DGKH: variants seen among roughly 807,000 people sequenced by gnomAD.
DGKH encodes diacylglycerol kinase eta, also known as DAG kinase eta.
Under a neutral mutation model 159.3 loss-of-function variants are expected in DGKH, and 90 were observed. The observed-to-expected ratio is 0.57, with a 90% CI of 0.48 to 0.67. The LOEUF (loss-of-function observed/expected upper bound fraction) is 0.67. Ranked by LOEUF, DGKH falls within the 30% of genes least tolerant of loss-of-function variation. The pLI is 0.00. For synonymous variants in DGKH, 536 were observed against 553.8 expected, an observed-to-expected ratio of 0.97 and a Z score of 0.45; for missense variants, 1,181 against 1,506.1, an observed-to-expected ratio of 0.78 and a Z score of 3.57.
intron 1 of DGKH, among the ~76,000 whole-genome samples, chr13:42,107,740 G>C (rs372265332): frequency 1.3e-5 from 2 of 151,988 alleles, no homozygotes; most frequent in Non-Finnish European, 2.9e-5. Flanking sequence ...AGGACAGATC[G>C]TAGACAGGCA....
chr13:42,068,958 G>T, intron 1 of DGKH: 1 of 1,467,558 alleles, frequency 6.8e-7, no homozygotes. Context: ...GAATGCCGCT[G>T]TATGTTTGAT....
rs372968115 is a variant in DGKH, at chr13:42,229,112, C to T, written c.3587C>T (p.Pro1196Leu). ...ERRDLKDLGI[P>L]KVGHVKRILQ... ...CTTTTATTTTAGGATCTGGGGATAC[C>T]GAAAGTGGGTCATGTGAAGCGAATT... The change falls in exon 30 of 30, where the codon CCG becomes CTG. Residue 1196 changes from proline (P) to leucine (L), a missense_variant. Pro to Leu is a moderately conservative substitution (Grantham distance 98). Around this residue, in one of 5 missense-constraint regions of DGKH, gnomAD observed 84 missense variants for 77.9 expected, o/e 1.08. Coordinates refer to ENST00000337343, the MANE Select transcript of DGKH (RefSeq NM_178009.5). The T allele has an allele frequency of 2.5e-5, 40 of 1,608,714 alleles. No individual in the cohort carries two copies. The highest frequency in any genetic ancestry group is 2.4e-4 in the African/African-American group (18 of 74,138).
chr13:42,189,912 T>C (rs35993291), intron 15 of DGKH, among the ~76,000 whole-genome samples: 18,138 of 152,006 alleles, frequency 0.12, 1,545 homozygotes, highest in East Asian at 0.4. Flanking sequence ...AAGTGATTCG[T>C]CCACCTCAGC....
intron 15 of DGKH, among the ~76,000 whole-genome samples, chr13:42,189,752 C>T (rs1957018917): frequency 6.6e-6 from 1 of 152,106 alleles, no homozygotes; most frequent in Admixed American, 6.6e-5. Flanking sequence ...CTGCAACGTC[C>T]ACCTCCCAGG....
chr13:42,159,263 T>TTTTTTTTTG lies in DGKH; in HGVS notation c.623-3_623-2insTTTTTTTTG. ...GTTGCTCTTTTTTTTTTTTTTTTTT[T>TTTTTTTTTG]AGTGTGTAAATTCAAGGCTCACAAA... On this transcript the variant is annotated splice_polypyrimidine_tract_variant and splice_region_variant and intron_variant, in intron 5 of 29. Coordinates refer to ENST00000337343, the MANE Select transcript of DGKH (RefSeq NM_178009.5). 1 of 1,249,720 alleles carries TTTTTTTTTG rather than the reference T, an allele frequency of 8.0e-7. No homozygotes were observed. Among genetic ancestry groups the TTTTTTTTTG allele is most frequent in the African/African-American group, 1.5e-5 (1 of 65,536 alleles). The allele number at this position is 1,249,720 out of a possible 1,614,324, so 77.4% of individuals were successfully genotyped here.
chr13:42,189,340 A>G (rs1957008769), intron 15 of DGKH, 31 bp downstream of exon 15: 2 of 1,610,744 alleles, frequency 1.2e-6, no homozygotes, highest in Non-Finnish European at 1.7e-6. Context: ...CTTTGGAAGA[A>G]GTTGGCAGCA....
intron 26 of DGKH, chr13:42,216,745 A>G (rs1279871136): frequency 1.3e-5 from 2 of 152,262 alleles, no homozygotes; most frequent in Non-Finnish European, 2.9e-5. Context: ...TACTATGGCC[A>G]TGAAGAAAAC....
intron 13 of DGKH, among the ~76,000 whole-genome samples, chr13:42,178,723 G>C (rs1404713540): frequency 1.3e-5 from 2 of 152,120 alleles, no homozygotes; most frequent in South Asian, 2.1e-4. Context: ...TGGAGCCAAA[G>C]CTACTTGATG....
chr13:42,112,618 C>G (rs1594044200), intron 1 of DGKH, among the ~76,000 whole-genome samples: 1 of 152,348 alleles, frequency 6.6e-6, no homozygotes, highest in East Asian at 1.9e-4. Context: ...AGAACAACTA[C>G]TCCTGGTGGC....
chr13:42,183,256 T>G (rs1956823279), intron 13 of DGKH, among the ~76,000 whole-genome samples: 2 of 151,504 alleles, frequency 1.3e-5, no homozygotes, highest in Non-Finnish European at 2.9e-5. Context: ...GCCATTGCAC[T>G]CCAATCTGGA....
chr13:42,180,739 T>TA (rs1180480973), intron 13 of DGKH, among the ~76,000 whole-genome samples: 1 of 152,128 alleles, frequency 6.6e-6, no homozygotes, highest in Non-Finnish European at 1.5e-5. Context: ...CAACCCCAGA[T>TA]ACAATTCTAG....
In DGKH at chr13:42,165,416, A is replaced by G. The variant is rs752425859; in HGVS notation, c.941A>G (p.Asn314Ser). The G allele has an allele frequency of 7.6e-6, 12 of 1,573,664 alleles. No individual in the cohort carries two copies. Among genetic ancestry groups the G allele is most frequent in the South Asian group, 7.1e-5 (6 of 84,552 alleles). Residue 314 changes from asparagine to serine, a missense_variant, in exon 8 of 30, where the codon AAC becomes AGC. By Grantham distance (46) the Asn-to-Ser change is conservative. This residue lies in a region of DGKH where 369 missense variants were observed against 519.4 expected (regional missense o/e 0.71). Coordinates refer to ENST00000337343, the MANE Select transcript of DGKH (RefSeq NM_178009.5). ...TCTATCATACCTCCAATTGCACTAA[A>G]CAGCACCGATTCCGATGGTATGTAG... is the stretch of plus-strand genomic sequence containing the variant. The part of the protein sequence containing the change: ...KVSIIPPIAL[N>S]STDSDGFCRA...
chr13:42,203,811 C>G (rs528265417), intron 20 of DGKH, among the ~76,000 whole-genome samples: 3 of 151,748 alleles, frequency 2.0e-5, no homozygotes, highest in African/African-American at 7.3e-5. Flanking sequence ...CTATCCTGAG[C>G]GACAGAGCAA....
At chr13:42,094,811 C>T (rs1481982188) in intron 1 of DGKH, among the ~76,000 whole-genome samples, 1 of 152,182 alleles carries the variant, frequency 6.6e-6, no homozygotes, top group Admixed American at 6.5e-5. Flanking sequence ...ATCTGTATCT[C>T]ACAGGATACA....
rs559783913 is a variant in DGKH, at chr13:42,234,336, G to T, written c.*5148G>T. 15 of 152,274 alleles carry T rather than the reference G, an allele frequency of 9.9e-5. No individual in the cohort carries two copies. The East Asian group carries it at 2.9e-3, about 29-fold the overall frequency. 9.4% of individuals were successfully genotyped at this position (152,274 alleles called of 1,614,324 possible). On this transcript the variant is annotated 3_prime_UTR_variant, in exon 30 of 30. Transcript: ENST00000337343. ...TCAAGGAAGAAAATATTCATGCAGA[G>T]CTATGACTTAGAAAGTTATAGGGGC... is the stretch of plus-strand genomic sequence containing the variant.
intron 3 of DGKH, among the ~76,000 whole-genome samples, chr13:42,134,969 T>C (rs1256684674): frequency 1.5e-5 from 2 of 137,030 alleles, no homozygotes; most frequent in African/African-American, 5.0e-5. Flanking sequence ...AGGAAAAGAC[T>C]CTGTCTCTAA....
At chr13:42,067,222 G>C (rs1023124558) in intron 1 of DGKH, among the ~76,000 whole-genome samples, 1 of 152,094 alleles carries the variant, frequency 6.6e-6, no homozygotes, top group African/African-American at 2.4e-5. Flanking sequence ...AATCAAATGC[G>C]TGTTAAACTA....
intron 1 of DGKH, among the ~76,000 whole-genome samples, chr13:42,091,416 A>G (rs1488289179): frequency 6.6e-6 from 1 of 152,232 alleles, no homozygotes; most frequent in Non-Finnish European, 1.5e-5. Context: ...CATATATCTG[A>G]TAAGCAGTTA....
chr13:42,151,190 A>G (rs1955871960), intron 3 of DGKH, among the ~76,000 whole-genome samples: 1 of 152,108 alleles, frequency 6.6e-6, no homozygotes, highest in South Asian at 2.1e-4. Context: ...GATATATTGC[A>G]TAGTGGTGAA....
Sources: gnomAD v4.1 joint callset for allele counts (sites outside exome capture counted in the v4.1 genomes callset) on GRCh38, gnomAD v4.1.1 for gene constraint, gnomAD v4.1.1 regional missense constraint, MANE v1.5 for transcripts, NCBI Gene and HGNC (gene_info 2026-07-23, HGNC 2026-07-21) for gene names.